Variants in PLCB1 observed in about 807,000 individuals in gnomAD.
The protein encoded by PLCB1 is 1-phosphatidylinositol 4,5-bisphosphate phosphodiesterase beta-1.
PLCB1 carries 46 observed loss-of-function variants against 161.8 expected under a neutral mutation model. The observed-to-expected ratio is 0.28, with a 90% CI of 0.22 to 0.36. PLCB1 has a LOEUF of 0.36. Among genes scored for constraint, PLCB1 ranks in the 10% least tolerant of loss-of-function variants. The pLI, the probability that PLCB1 is intolerant of heterozygous loss-of-function variation, is 1.00. For missense variants in PLCB1, 1,016 were observed against 1,472.5 expected (o/e 0.69, Z 5.07); for synonymous variants, 517 against 503.7 (o/e 1.03, Z -0.35).
chr20:8,583,404 A>C (rs1486037555), intron 3 of PLCB1, among the ~76,000 whole-genome samples: 4 of 152,262 alleles, frequency 2.6e-5, no homozygotes, highest in Non-Finnish European at 5.9e-5. Flanking sequence ...GACATTAAAT[A>C]GTTTTTTTAA....
intron 2 of PLCB1, among the ~76,000 whole-genome samples, chr20:8,231,770 C>A (rs1980052638): frequency 6.6e-6 from 1 of 152,032 alleles, no homozygotes; most frequent in South Asian, 2.1e-4. Context: ...TCTCCCGTGG[C>A]CAGTTGGTTT....
chr20:8,392,421 C>T (rs1041915542), intron 3 of PLCB1, among the ~76,000 whole-genome samples: 5 of 152,134 alleles, frequency 3.3e-5, no homozygotes, highest in African/African-American at 7.2e-5. Context: ...ATAAATTGGC[C>T]GGTCTGTTTG....
chr20:8,540,075 C>G (rs929039419), intron 3 of PLCB1, among the ~76,000 whole-genome samples: 1 of 152,126 alleles, frequency 6.6e-6, no homozygotes, highest in African/African-American at 2.4e-5. Context: ...TAGGACAACA[C>G]AGTCAGTGAG....
chr20:8,270,606 C>T (rs577063065), intron 2 of PLCB1, among the ~76,000 whole-genome samples: 100 of 152,006 alleles, frequency 6.6e-4, no homozygotes, highest in African/African-American at 2.2e-3. Context: ...ATTAATCAGT[C>T]AATATACTGA....
intron 3 of PLCB1, among the ~76,000 whole-genome samples, chr20:8,500,887 G>A (rs532033323): frequency 6.6e-6 from 1 of 152,264 alleles, no homozygotes; most frequent in South Asian, 2.1e-4. Context: ...TTGTAGTAGG[G>A]TGGTCAGGAG....
chr20:8,680,439 C>G (rs1342919720), intron 9 of PLCB1, among the ~76,000 whole-genome samples: 1 of 152,170 alleles, frequency 6.6e-6, no homozygotes, highest in Non-Finnish European at 1.5e-5. Flanking sequence ...TGCTCTTTAT[C>G]TTTACATTTT....
intron 4 of PLCB1, among the ~76,000 whole-genome samples, chr20:8,629,052 C>G (rs1276124882): frequency 6.6e-6 from 1 of 152,164 alleles, no homozygotes; most frequent in Non-Finnish European, 1.5e-5. Flanking sequence ...GTCATTCTCT[C>G]TTAGCCTCAT....
rs115878504 is a variant in PLCB1 at position 8,448,979 on chromosome 20, A to G, written c.246+77529A>G. Among the ~76,000 whole-genome samples, 1,140 of 152,302 alleles carry G rather than the reference A, an allele frequency of 7.5e-3. 17 individuals carry two copies. The highest frequency in any genetic ancestry group is 0.026 in the African/African-American group (1,065 of 41,568). ...CCATGATCACAGAAACTACTAGTGAATGTGATACTTCATATCTCATCCATT... is the reference window on the plus strand; with the variant it reads ...CCATGATCACAGAAACTACTAGTGAGTGTGATACTTCATATCTCATCCATT... On this transcript the variant is annotated intron_variant, in intron 3 of 31. Transcript: ENST00000338037.
chr20:8,268,566 AAT>A (rs751990959), intron 2 of PLCB1, among the ~76,000 whole-genome samples: 21 of 152,206 alleles, frequency 1.4e-4, no homozygotes, highest in Non-Finnish European at 2.9e-4. Context: ...TGGTTGAACT[AAT>A]TTACAGTCCC....
intron 7 of PLCB1, among the ~76,000 whole-genome samples, chr20:8,654,605 TA>T (rs146334738): frequency 0.027 from 4,031 of 152,060 alleles, 181 homozygotes; most frequent in African/African-American, 0.093. Flanking sequence ...TGAAGATAGA[TA>T]AAGGGAGACT....
chr20:8,189,915 G>A (rs2051949461), intron 2 of PLCB1, among the ~76,000 whole-genome samples: 1 of 152,038 alleles, frequency 6.6e-6, no homozygotes, highest in Non-Finnish European at 1.5e-5. Context: ...ATGCACAAGT[G>A]TGAAAAAGCA....
At chr20:8,550,065 A>T (rs1985716333) in intron 3 of PLCB1, among the ~76,000 whole-genome samples, 1 of 152,174 alleles carries the variant, frequency 6.6e-6, no homozygotes, top group East Asian at 1.9e-4. Context: ...TATTTACCCC[A>T]TGCCTGTACC....
In PLCB1 at chr20:8,132,811, G is replaced by C. The variant is rs1208456204; in HGVS notation, c.99+61G>C. ...TCGGGCACCGGGCAGGGCGGGCGTC[G>C]TGGGGGTGGGGCAAGGGGCGCGTTA... On this transcript the variant is annotated intron_variant, in intron 1 of 31. Transcript: ENST00000338037. The surrounding 1 kb of genome is among the most constrained non-coding windows in gnomAD (Gnocchi z 5.2). The C allele has an allele frequency of 8.3e-7, 1 of 1,208,000 alleles. No homozygotes were observed. Among genetic ancestry groups the C allele is most frequent in the Non-Finnish European group, 1.2e-6 (1 of 825,750 alleles). 74.8% of individuals were successfully genotyped at this position (1,208,000 alleles called of 1,614,324 possible).
intron 9 of PLCB1, among the ~76,000 whole-genome samples, chr20:8,670,903 G>A (rs974732859): frequency 1.3e-5 from 2 of 152,318 alleles, no homozygotes; most frequent in African/African-American, 4.8e-5. Context: ...AGGAAAAAAC[G>A]TGAGCCGAGA....
chr20:8,763,967 C>T (rs1214028817), intron 25 of PLCB1, among the ~76,000 whole-genome samples: 1 of 151,984 alleles, frequency 6.6e-6, no homozygotes. Context: ...GAGTTTGAGA[C>T]CAGGCTGGCC....
At chr20:8,478,746 T>C (rs1255290812) in intron 3 of PLCB1, among the ~76,000 whole-genome samples, 10 of 152,304 alleles carry the variant, frequency 6.6e-5, no homozygotes, top group Middle Eastern at 3.4e-3. Context: ...GGTGCTTTTT[T>C]GTAATTTTTG....
intron 3 of PLCB1, among the ~76,000 whole-genome samples, chr20:8,407,293 T>C (rs925155796): frequency 6.6e-6 from 1 of 152,118 alleles, no homozygotes; most frequent in Admixed American, 6.6e-5. Flanking sequence ...ATAACGAGTA[T>C]CTTCCAAAGA....
At chr20:8,318,610 T>C (rs1476010871) in intron 2 of PLCB1, among the ~76,000 whole-genome samples, 1 of 152,208 alleles carries the variant, frequency 6.6e-6, no homozygotes, top group African/African-American at 2.4e-5. Flanking sequence ...TGTTGAATGA[T>C]TACCAATAAT....
At chr20:8,315,824 A>G (rs1984620991) in intron 2 of PLCB1, among the ~76,000 whole-genome samples, 1 of 152,190 alleles carries the variant, frequency 6.6e-6, no homozygotes, top group Admixed American at 6.5e-5. Context: ...CTGAAGTCAG[A>G]TGCTGAGGGC....
Sources: allele counts gnomAD v4.1 joint callset (sites outside exome capture counted in the v4.1 genomes callset), GRCh38; gene constraint gnomAD v4.1.1; non-coding constraint Gnocchi (gnomAD v3.1); transcripts MANE v1.5; gene names NCBI Gene and HGNC (gene_info 2026-07-23, HGNC 2026-07-21).